KLHL11: variants seen among roughly 807,000 people sequenced by gnomAD.
The protein encoded by KLHL11 is kelch-like protein 11.
KLHL11 carries 26 observed loss-of-function variants against 56.1 expected under a neutral mutation model. The observed-to-expected ratio is 0.46, with a 90% CI of 0.34 to 0.64. The LOEUF is 0.64. Ranked by LOEUF, KLHL11 falls within the 30% of genes least tolerant of loss-of-function variation. KLHL11 has a pLI of 0.01. For synonymous variants in KLHL11, 338 were observed against 345.8 expected, an observed-to-expected ratio of 0.98 and a Z score of 0.25; for missense variants, 627 against 919.4, an observed-to-expected ratio of 0.68 and a Z score of 4.11.
In KLHL11 at chr17:41,852,449, C is replaced by T. The variant is rs1356621132; in HGVS notation, c.*1291G>A. 1.3e-5 allele frequency among the ~76,000 whole-genome samples: 2 copies of T among 152,214 alleles called. No homozygotes were observed. Among genetic ancestry groups the T allele is most frequent in the East Asian group, 3.9e-4 (2 of 5,190 alleles). ...AAGGCTTCTCTTTAGCAACATTTCT[C>T]TAAATTGTGACTTCCTTCCCATTTT... On this transcript the variant is annotated 3_prime_UTR_variant, in exon 2 of 2. Transcript: ENST00000319121.
intron 1 of KLHL11, among the ~76,000 whole-genome samples, chr17:41,861,363 C>T (rs1340764228): frequency 6.6e-6 from 1 of 152,192 alleles, no homozygotes; most frequent in Non-Finnish European, 1.5e-5. Flanking sequence ...TAATAATCTG[C>T]TATGCTTTTC....
chr17:41,852,589 A>C lies in KLHL11; in HGVS notation c.*1151T>G, dbSNP rs1021590456. Among the ~76,000 whole-genome samples the C allele has an allele frequency of 1.1e-4, 17 of 151,964 alleles. No homozygotes were observed. The highest frequency in any genetic ancestry group is 1.1e-3 in the Admixed American group (17 of 15,260). On this transcript the variant is annotated 3_prime_UTR_variant, in exon 2 of 2. Coordinates refer to ENST00000319121, the MANE Select transcript of KLHL11 (RefSeq NM_018143.3). ...GCGTATCACCTGAGGTCAGGAGTTC[A>C]AGACCAGCCTGGTCAACATGGTGAA... is the stretch of plus-strand genomic sequence containing the variant.
intron 1 of KLHL11, among the ~76,000 whole-genome samples, chr17:41,862,373 C>T (rs1333815895): frequency 6.6e-6 from 1 of 150,498 alleles, no homozygotes; most frequent in Non-Finnish European, 1.5e-5. Flanking sequence ...CCTGGGTTCA[C>T]GCCATTCTCC....
In KLHL11 at chr17:41,864,872, G is replaced by A. The variant is rs782118467; in HGVS notation, c.499C>T (p.Arg167Cys). The A allele has an allele frequency of 6.4e-7, 1 of 1,572,980 alleles. No homozygotes were observed. The highest frequency in any genetic ancestry group is 1.8e-5 in the Admixed American group (1 of 55,180). Residue 167 changes from arginine to cysteine, a missense_variant, in exon 1 of 2, where the codon CGC becomes TGC. By Grantham distance (180) the Arg-to-Cys change is radical. Transcript: ENST00000319121. ...TCGTGCACGCTGCCCGTGCTGACGC[G>A]GATGCGCCCGGTGTACATGTACTCG... is the stretch of plus-strand genomic sequence containing the variant. ...VIEYMYTGRIRVSTGSVHEVL... is the reference protein window; with the variant it reads ...VIEYMYTGRICVSTGSVHEVL...
chr17:41,863,405 C>A (rs2048417356), intron 1 of KLHL11, among the ~76,000 whole-genome samples: 1 of 152,052 alleles, frequency 6.6e-6, no homozygotes, highest in Non-Finnish European at 1.5e-5. Flanking sequence ...CAATGTTGGC[C>A]AGGCTGGTCT....
chr17:41,865,360 G>C lies in KLHL11; in HGVS notation c.11C>G (p.Ala4Gly). 1 of 1,438,622 alleles carries C rather than the reference G, an allele frequency of 7.0e-7. No homozygotes were observed. The highest frequency in any genetic ancestry group is 2.8e-5 in the East Asian group (1 of 36,100). The allele number at this position is 1,438,622 out of a possible 1,614,324, so 89.1% of individuals were successfully genotyped here. A position where few individuals can be genotyped will look rare whatever the true frequency, so the allele number is the denominator to read the frequency against. ...CGCCGCCGCCGCCGCCGCCACTGCCGCAGCCGCCATCTTGACGCCGCTGCG... is the reference window on the plus strand; with the variant it reads ...CGCCGCCGCCGCCGCCGCCACTGCCCCAGCCGCCATCTTGACGCCGCTGCG... MAA[A>G]AVAAAAAAAA... Residue 4 changes from alanine (A) to glycine (G), a missense_variant, in exon 1 of 2, where the codon GCG (alanine) becomes GGG (glycine). By Grantham distance (60) the Ala-to-Gly change is moderately conservative (BLOSUM62 0). Transcript: ENST00000319121.
chr17:41,854,167 T>C lies in KLHL11; in HGVS notation c.1700A>G (p.Lys567Arg), dbSNP rs1555622247. The change falls in exon 2 of 2, where the codon AAG becomes AGG. Residue 567 changes from lysine (K) to arginine (R), a missense_variant. By Grantham distance (26) the Lys-to-Arg change is conservative (BLOSUM62 2). Transcript: ENST00000319121. The surrounding 1 kb of genome is among the most constrained non-coding windows in gnomAD (Gnocchi z 4.9). ...NFYQTASCCP[K>R]SYCLENEEAV... is the part of the protein sequence containing the mutation. ...CTCTTCGTTTTCTAAACAATAACTCTTGGGACAACATGATGCTGTCTGATA... is the reference window on the plus strand; with the variant it reads ...CTCTTCGTTTTCTAAACAATAACTCCTGGGACAACATGATGCTGTCTGATA... The C allele has an allele frequency of 6.2e-7, 1 of 1,614,150 alleles. No individual in the cohort carries two copies. The highest frequency in any genetic ancestry group is 1.1e-5 in the South Asian group (1 of 91,076).
rs782076593 is a variant in KLHL11, at chr17:41,865,033, G to A, written c.338C>T (p.Ser113Leu). The A allele has an allele frequency of 2.5e-6, 4 of 1,589,336 alleles. No individual in the cohort carries two copies. Among genetic ancestry groups the A allele is most frequent in the South Asian group, 2.3e-5 (2 of 88,692 alleles). ...GTACTCGGTGGCGGCAGCCAGTACC[G>A]AGCGGTGGGCCCGGAACTCGCGGCC... The part of the protein sequence containing the change: ...AGGREFRAHR[S>L]VLAAATEYFT... The change falls in exon 1 of 2, where the codon TCG (serine) becomes TTG (leucine). Residue 113 changes from serine (S) to leucine (L), a missense_variant. This residue lies in a region of KLHL11 where 150 missense variants were observed against 215.7 expected (regional missense o/e 0.70). Transcript: ENST00000319121.
chr17:41,857,322 T>C (rs1205485050), intron 1 of KLHL11, among the ~76,000 whole-genome samples: 3 of 151,838 alleles, frequency 2.0e-5, no homozygotes, highest in Non-Finnish European at 2.9e-5. Flanking sequence ...CTGGCCAACA[T>C]GGTGAAACCT....
Position 41,854,933 on chromosome 17 carries a change from C to T in KLHL11, c.934G>A (p.Val312Ile), listed in dbSNP as rs782420612. The T allele has an allele frequency of 4.3e-6, 7 of 1,614,196 alleles. No individual in the cohort carries two copies. Among genetic ancestry groups the T allele is most frequent in the Non-Finnish European group, 5.1e-6 (6 of 1,180,036 alleles). Residue 312 changes from valine (V) to isoleucine (I), a missense_variant, in exon 2 of 2, where the codon GTA becomes ATA. Physicochemically the swap from Val to Ile is conservative, Grantham distance 29. This residue lies in a region of KLHL11 where 106 missense variants were observed against 227.0 expected (regional missense o/e 0.47). Transcript: ENST00000319121. This position sits in a 1 kb window ranked among gnomAD's most constrained non-coding sequence, Gnocchi z 4.9. ...TTGACACAAACTTCATTATTGGCTA[C>T]CAGCCTCTCTGGTTTGACATGTCGA... ...LTRHVKPERL[V>I]ANNEVCVKLV... is the part of the protein sequence containing the mutation.
chr17:41,861,428 G>A (rs1188216397), intron 1 of KLHL11, among the ~76,000 whole-genome samples: 3 of 151,906 alleles, frequency 2.0e-5, no homozygotes, highest in Non-Finnish European at 2.9e-5. Flanking sequence ...GGCCAGGTGC[G>A]GTGGCTCACG....
intron 1 of KLHL11, among the ~76,000 whole-genome samples, chr17:41,863,788 C>T (rs1555623287): frequency 6.6e-6 from 1 of 152,198 alleles, no homozygotes; most frequent in East Asian, 1.9e-4. Context: ...TTACCTCCTT[C>T]GGTTCTTAGC....
intron 1 of KLHL11, among the ~76,000 whole-genome samples, chr17:41,859,533 CCAGCGA>C (rs1289843296): frequency 7.9e-5 from 12 of 151,722 alleles, no homozygotes; most frequent in African/African-American, 2.2e-4. Context: ...CCACTGCACT[CCAGCGA>C]CAGAATGAGA....
chr17:41,861,647 T>C (rs568638864), intron 1 of KLHL11, among the ~76,000 whole-genome samples: 99 of 128,672 alleles, frequency 7.7e-4, no homozygotes, highest in Admixed American at 1.3e-3. Context: ...GATTGCGACA[T>C]TGCACTCCAG....
intron 1 of KLHL11, among the ~76,000 whole-genome samples, chr17:41,861,065 C>A (rs1050349685): frequency 6.6e-6 from 1 of 152,154 alleles, no homozygotes; most frequent in Non-Finnish European, 1.5e-5. Flanking sequence ...CGAGGAAAGA[C>A]GCACTCACAG....
Position 41,864,920 on chromosome 17 carries a change from G to T in KLHL11, c.451C>A (p.Pro151Thr). Residue 151 changes from proline to threonine, a missense_variant, in exon 1 of 2, where the codon CCC becomes ACC. Transcript: ENST00000319121. ...RKWSSEPGPE[P>T]DTVEAVIEYM... ...TCGATTACGGCTTCCACTGTGTCGG[G>T]TTCGGGCCCCGGCTCGGAGCTCCAC... 2 of 1,610,806 alleles carry T rather than the reference G, an allele frequency of 1.2e-6. No homozygotes were observed. The highest frequency in any genetic ancestry group is 2.2e-5 in the South Asian group (2 of 90,264).
In KLHL11 at chr17:41,853,693, C is replaced by A. The variant is rs781877614; in HGVS notation, c.*47G>T. 1 of 1,545,040 alleles carries A rather than the reference C, an allele frequency of 6.5e-7. No homozygotes were observed. The highest frequency in any genetic ancestry group is 8.7e-7 in the Non-Finnish European group (1 of 1,145,600). On this transcript the variant is annotated 3_prime_UTR_variant, in exon 2 of 2. Transcript: ENST00000319121. The stretch of plus-strand genomic sequence containing the variant: ...TAAATAACAGCCTGGGTATCTTCAG[C>A]TTCACGAAACGGGTGTAACAGTTTT...
Position 41,850,196 on chromosome 17 carries a change from A to G in KLHL11, c.*3544T>C, listed in dbSNP as rs2048325189. On this transcript the variant is annotated 3_prime_UTR_variant, in exon 2 of 2. Transcript: ENST00000319121. ...AGCAAATCTGGTTTCTTTCCTTATT[A>G]ACAAGTTAGTTAGGATATTTCAGAA... 1 of 152,204 alleles carries G rather than the reference A, an allele frequency of 6.6e-6. No homozygotes were observed. The highest frequency in any genetic ancestry group is 2.4e-5 in the African/African-American group (1 of 41,450). 9.4% of individuals were successfully genotyped at this position (152,204 alleles called of 1,614,324 possible).
chr17:41,850,677 C>T lies in KLHL11; in HGVS notation c.*3063G>A, dbSNP rs978211456. The T allele has an allele frequency of 5.3e-5, 8 of 152,166 alleles. No individual in the cohort carries two copies. The highest frequency in any genetic ancestry group is 3.2e-3 in the Middle Eastern group (1 of 316). The allele number at this position is 152,166 out of a possible 1,614,324, so 9.4% of individuals were successfully genotyped here. A position where few individuals can be genotyped will look rare whatever the true frequency, so the allele number is the denominator to read the frequency against. ...TTCTGTCTTACTTGCATAGACCTAT[C>T]ACAGCTAAGAATTAGTGCTTCTCAG... On this transcript the variant is annotated 3_prime_UTR_variant, in exon 2 of 2. Coordinates refer to ENST00000319121, the MANE Select transcript of KLHL11 (RefSeq NM_018143.3).
Sources: allele counts gnomAD v4.1 joint callset (sites outside exome capture counted in the v4.1 genomes callset), GRCh38; gene constraint gnomAD v4.1.1; regional missense constraint gnomAD v4.1.1; non-coding constraint Gnocchi (gnomAD v3.1); transcripts MANE v1.5; gene names NCBI Gene and HGNC (gene_info 2026-07-23, HGNC 2026-07-21).